Variants in LRRC75A observed in about 807,000 individuals in gnomAD.
LRRC75A encodes the protein leucine-rich repeat-containing protein 75A.
LRRC75A carries 12 observed loss-of-function variants against 26.0 expected under a neutral mutation model. The ratio of observed to expected loss-of-function variants is 0.46; its 90% confidence interval spans 0.30 to 0.75. LRRC75A has a LOEUF of 0.75. LRRC75A is among the 30% of genes least tolerant of loss of function. The probability of loss-of-function intolerance (pLI) is 0.08; values close to 1 mark genes in which losing one functional copy is unlikely to be tolerated. For missense variants in LRRC75A, 410 were observed against 486.6 expected (o/e 0.84, Z 1.48); for synonymous variants, 223 against 219.3 (o/e 1.02, Z -0.15).
intron 2 of LRRC75A, among the ~76,000 whole-genome samples, chr17:16,456,397 AAGGAGGAAGAGG>A (rs1034024600): frequency 1.9e-5 from 2 of 105,372 alleles, no homozygotes; most frequent in Non-Finnish European, 3.9e-5. Context: ...GAAGAAGGAA[AAGGAGGAAGAGG>A]AGGAGGAGGA....
chr17:16,474,909 C>T (rs531955206), intron 1 of LRRC75A, among the ~76,000 whole-genome samples: 31 of 150,648 alleles, frequency 2.1e-4, no homozygotes, highest in Non-Finnish European at 2.2e-4. Context: ...AGGAGAATGG[C>T]GTGAACCCAG....
rs149173130 is a variant in LRRC75A, at chr17:16,444,327, G to C, written c.492-196C>G. On this transcript the variant is annotated intron_variant, in intron 3 of 3. Coordinates refer to ENST00000470794, the MANE Select transcript of LRRC75A (RefSeq NM_001113567.3). ...CCTGACACTGCCGCACGTCTCAGCT[G>C]TCAGGGCCCAGCTGGCCGTAGCCTG... 6.5e-3 allele frequency among the ~76,000 whole-genome samples: 995 copies of C among 152,344 alleles called. 6 individuals are homozygous for C. The highest frequency in any genetic ancestry group is 0.02 in the African/African-American group (838 of 41,582).
At chr17:16,444,608 T>C (rs1421158448) in intron 3 of LRRC75A, among the ~76,000 whole-genome samples, 2 of 152,056 alleles carry the variant, frequency 1.3e-5, no homozygotes, top group African/African-American at 4.8e-5. Flanking sequence ...CAGAGAAGGA[T>C]TCCCTATGGG....
rs572491761 is a variant in LRRC75A at position 16,443,591 on chromosome 17, C to T, written c.1032G>A (p.Thr344=). The T allele has an allele frequency of 2.7e-5, 41 of 1,520,532 alleles. No individual in the cohort carries two copies. In the East Asian group the frequency reaches 7.5e-4, roughly 28 times the overall value. 94.2% of individuals were successfully genotyped at this position (1,520,532 alleles called of 1,614,324 possible). The change falls in exon 4 of 4, where the codon ACG becomes ACA. Residue 344 remains threonine (T), a synonymous_variant. Transcript: ENST00000470794. ...GGTGAGGCCCTTCACTTCCATGTCA[C>T]GTCTGAGCTGCAGCTACAGTCTCCT... is the stretch of plus-strand genomic sequence containing the variant. ...EGKETVAAAQ[T]
In LRRC75A at chr17:16,492,103, G is replaced by A. The variant is rs1384299074; in HGVS notation, c.-113C>T. 2 of 943,052 alleles carry A rather than the reference G, an allele frequency of 2.1e-6. No individual in the cohort carries two copies. The highest frequency in any genetic ancestry group is 9.9e-5 in the South Asian group (2 of 20,194). The allele number at this position is 943,052 out of a possible 1,614,324, so 58.4% of individuals were successfully genotyped here. A position where few individuals can be genotyped will look rare whatever the true frequency, so the allele number is the denominator to read the frequency against. Reference sequence around the variant, plus strand: ...CGCCTCCCGGGCTGCAACTTTGGGGGAACTGTTGCGCGCGGGCGTCGCGGG... The same window carrying A: ...CGCCTCCCGGGCTGCAACTTTGGGGAAACTGTTGCGCGCGGGCGTCGCGGG... On this transcript the variant is annotated 5_prime_UTR_variant, in exon 1 of 4. Transcript: ENST00000470794.
At chr17:16,449,823 G>A (rs1260444482) in intron 2 of LRRC75A, among the ~76,000 whole-genome samples, 1 of 152,122 alleles carries the variant, frequency 6.6e-6, no homozygotes, top group African/African-American at 2.4e-5. Context: ...CACCATGTTG[G>A]TCAGGCTGGT....
chr17:16,481,389 G>A (rs1251839857), intron 1 of LRRC75A, among the ~76,000 whole-genome samples: 2 of 152,196 alleles, frequency 1.3e-5, no homozygotes, highest in Non-Finnish European at 2.9e-5. Flanking sequence ...GTTTATACAT[G>A]TAAATCTCCT....
chr17:16,487,346 T>C (rs945705012), intron 1 of LRRC75A, among the ~76,000 whole-genome samples: 1 of 152,192 alleles, frequency 6.6e-6, no homozygotes, highest in Non-Finnish European at 1.5e-5. Flanking sequence ...TCTGAGGTCA[T>C]TATGCTCATC....
chr17:16,466,527 G>A (rs1483437399), intron 1 of LRRC75A, among the ~76,000 whole-genome samples: 1 of 151,908 alleles, frequency 6.6e-6, no homozygotes, highest in South Asian at 2.1e-4. Flanking sequence ...GGTCTAAACG[G>A]TACCACCTCT....
In LRRC75A at chr17:16,462,418, G is replaced by A; in HGVS notation, c.247-32C>T. The A allele has an allele frequency of 6.2e-7, 1 of 1,612,452 alleles. No individual in the cohort carries two copies. The highest frequency in any genetic ancestry group is 8.5e-7 in the Non-Finnish European group (1 of 1,179,690). On this transcript the variant is annotated intron_variant, in intron 1 of 3. Transcript: ENST00000470794. This position sits in a 1 kb window ranked among gnomAD's most constrained non-coding sequence, Gnocchi z 4.6. ...GAGCAAAGGATGCCCAGAGGTCAGG[G>A]CTGGCTGCCCACCCAGCTCGCCCAC...
Position 16,456,385 on chromosome 17 carries a change from GAGA to G in LRRC75A, c.375+5870_375+5872del, listed in dbSNP as rs1463651699. On this transcript the variant is annotated intron_variant, in intron 2 of 3. Transcript: ENST00000470794. ...GGAAGAGAAGGAAGAGGAGGAGGAA[GAGA>G]AGAAGGAAAAGGAGGAAGAGGAGGA... is the stretch of plus-strand genomic sequence containing the variant. Among the ~76,000 whole-genome samples, 211 of 148,280 alleles carry G rather than the reference GAGA, an allele frequency of 1.4e-3. 1 individual carries two copies. The highest frequency in any genetic ancestry group is 4.6e-3 in the African/African-American group (183 of 39,980).
chr17:16,447,002 A>G, intron 3 of LRRC75A: 2 of 339,234 alleles, frequency 5.9e-6, no homozygotes, highest in African/African-American at 2.3e-5. Context: ...AGGGAGGGGG[A>G]CAGCCCTTCC....
chr17:16,486,734 C>T (rs1488198464), intron 1 of LRRC75A, among the ~76,000 whole-genome samples: 1 of 152,194 alleles, frequency 6.6e-6, no homozygotes, highest in Non-Finnish European at 1.5e-5. Flanking sequence ...AGAACACCAC[C>T]GCCTGGCAGG....
At chr17:16,455,546 A>AT (rs760015617) in intron 2 of LRRC75A, among the ~76,000 whole-genome samples, 1 of 151,626 alleles carries the variant, frequency 6.6e-6, no homozygotes, top group African/African-American at 2.4e-5. Flanking sequence ...TGCCCGGCTA[A>AT]TTTTTTTTGT....
intron 1 of LRRC75A, among the ~76,000 whole-genome samples, chr17:16,476,606 C>A (rs1448904898): frequency 6.6e-6 from 1 of 151,802 alleles, no homozygotes; most frequent in Non-Finnish European, 1.5e-5. Flanking sequence ...ACTCTGTCAC[C>A]CAGGCTGGAG....
At chr17:16,476,492 G>A (rs2093819965) in intron 1 of LRRC75A, among the ~76,000 whole-genome samples, 1 of 152,040 alleles carries the variant, frequency 6.6e-6, no homozygotes, top group Admixed American at 6.5e-5. Context: ...GATTACAGGA[G>A]TGAGCCACTG....
At position 16,469,900 on chromosome 17, in the gene LRRC75A, T is replaced by C. The variant is rs138136166; in HGVS notation, c.247-7514A>G. On this transcript the variant is annotated intron_variant, in intron 1 of 3. Coordinates refer to ENST00000470794, the MANE Select transcript of LRRC75A (RefSeq NM_001113567.3). ...GAAGAGCCCTCCTTTTACCTCCAAA[T>C]TGTCACTTGCGTGGTACAGGACCAG... 2.4e-3 allele frequency among the ~76,000 whole-genome samples: 367 copies of C among 152,200 alleles called. 2 individuals carry two copies. Among genetic ancestry groups the C allele is most frequent in the African/African-American group, 8.3e-3 (344 of 41,540 alleles).
chr17:16,476,140 A>G (rs2093819204), intron 1 of LRRC75A, among the ~76,000 whole-genome samples: 1 of 152,148 alleles, frequency 6.6e-6, no homozygotes, highest in Admixed American at 6.5e-5. Context: ...GCTTGCAGTG[A>G]GCTGAGATTG....
chr17:16,488,499 G>A (rs1368140014), intron 1 of LRRC75A, among the ~76,000 whole-genome samples: 1 of 152,196 alleles, frequency 6.6e-6, no homozygotes, highest in Admixed American at 6.5e-5. Context: ...GTCTTGAATG[G>A]CAGCACCAAC....
Sources: allele counts gnomAD v4.1 joint callset (sites outside exome capture counted in the v4.1 genomes callset), GRCh38; gene constraint gnomAD v4.1.1; non-coding constraint Gnocchi (gnomAD v3.1); transcripts MANE v1.5; gene names NCBI Gene and HGNC (gene_info 2026-07-23, HGNC 2026-07-21).